TET1: variants seen among roughly 807,000 people sequenced by gnomAD.
TET1 encodes methylcytosine dioxygenase TET1.
In TET1, 13 loss-of-function variants were observed where a neutral mutation model predicts 148.7. The observed-to-expected ratio is 0.09, with a 90% CI of 0.06 to 0.14. The LOEUF is 0.14. TET1 is among the 10% of genes least tolerant of loss of function. The probability of loss-of-function intolerance (pLI) is 1.00; values close to 1 mark genes in which losing one functional copy is unlikely to be tolerated. For synonymous variants in TET1, 907 were observed against 937.2 expected, an observed-to-expected ratio of 0.97 and a Z score of 0.59; for missense variants, 2,182 against 2,553.8, an observed-to-expected ratio of 0.85 and a Z score of 3.14.
rs368590656 is a variant in TET1, at chr10:68,645,629, C to T, written c.2900C>T (p.Thr967Met). Residue 967 changes from threonine (T) to methionine (M), a missense_variant, in exon 4 of 12, where the codon ACG becomes ATG. By Grantham distance (81) the Thr-to-Met change is moderately conservative (BLOSUM62 -1). This residue lies in a region of TET1 where 582 missense variants were observed against 599.5 expected (regional missense o/e 0.97). Transcript: ENST00000373644. ...PSLEKQSSCN[T>M]VVFNGQTTTL... Reference sequence around the variant, plus strand: ...TTGGAAAAACAAAGTTCATGCAACACGGTGGTTTTCAATGGGCAAACTACT... The same window carrying T: ...TTGGAAAAACAAAGTTCATGCAACATGGTGGTTTTCAATGGGCAAACTACT... 34 of 1,614,050 alleles carry T rather than the reference C, an allele frequency of 2.1e-5. No homozygotes were observed. Among genetic ancestry groups the T allele is most frequent in the South Asian group, 3.3e-5 (3 of 91,076 alleles).
At chr10:68,586,687 G>T (rs10823232) in intron 2 of TET1, among the ~76,000 whole-genome samples, 19,940 of 148,820 alleles carry the variant, frequency 0.13, 1,727 homozygotes, top group South Asian at 0.25. Context: ...ATTGAATATT[G>T]TTTCTATGGT....
At chr10:68,674,869 C>T (rs901741328) in intron 8 of TET1, 3 of 410,898 alleles carry the variant, frequency 7.3e-6, no homozygotes, top group Admixed American at 6.5e-5. Context: ...AAGAAGTGGT[C>T]AATAAATTGA....
chr10:68,578,499 C>G (rs2053757143), intron 2 of TET1, among the ~76,000 whole-genome samples: 1 of 152,148 alleles, frequency 6.6e-6, no homozygotes, highest in South Asian at 2.1e-4. Flanking sequence ...CTCAGGTGAT[C>G]TGCCTGCCTC....
Position 68,564,004 on chromosome 10 carries a change from A to G in TET1, c.-123+3262A>G, listed in dbSNP as rs146961958. Among the ~76,000 whole-genome samples the G allele has an allele frequency of 2.1e-3, 318 of 152,154 alleles. 2 individuals carry two copies. Among genetic ancestry groups the G allele is most frequent in the African/African-American group, 7.4e-3 (308 of 41,514 alleles). ...CCAGTTCTTTGCAGAAAACCCTTAC[A>G]CTTTAAGAAGCCAGCTTTTCATTCT... On this transcript the variant is annotated intron_variant, in intron 1 of 11. Coordinates refer to ENST00000373644, the MANE Select transcript of TET1 (RefSeq NM_030625.3).
At chr10:68,577,803 G>T (rs943086560) in intron 2 of TET1, among the ~76,000 whole-genome samples, 1 of 152,098 alleles carries the variant, frequency 6.6e-6, no homozygotes, top group Admixed American at 6.6e-5. Context: ...GCAAGACACT[G>T]TCTCAAAAAA....
At chr10:68,576,295 G>A (rs958054410) in intron 2 of TET1, among the ~76,000 whole-genome samples, 9 of 151,408 alleles carry the variant, frequency 5.9e-5, no homozygotes, top group African/African-American at 1.7e-4. Flanking sequence ...AAGTTGCAGC[G>A]AGTGGAGGTT....
chr10:68,586,574 A>G (rs1479716716), intron 2 of TET1, among the ~76,000 whole-genome samples: 4 of 145,950 alleles, frequency 2.7e-5, no homozygotes, highest in African/African-American at 1.0e-4. Flanking sequence ...GCCTCAAGTG[A>G]TCTTTCCTCC....
chr10:68,639,578 C>G (rs1019838178), intron 3 of TET1, among the ~76,000 whole-genome samples: 1 of 152,006 alleles, frequency 6.6e-6, no homozygotes, highest in African/African-American at 2.4e-5. Flanking sequence ...ACGTGATCCT[C>G]CCGCTTCAGC....
At chr10:68,627,510 C>T (rs996042095) in intron 3 of TET1, among the ~76,000 whole-genome samples, 3 of 152,072 alleles carry the variant, frequency 2.0e-5, no homozygotes, top group East Asian at 1.9e-4. Flanking sequence ...TTAGGAGAAT[C>T]GCTTGAACCC....
At chr10:68,673,485 A>C (rs1212992056) in intron 8 of TET1, 1 of 361,166 alleles carries the variant, frequency 2.8e-6, no homozygotes, top group African/African-American at 2.2e-5. Context: ...ACACGAGGCC[A>C]TGGTGAGCAA....
intron 2 of TET1, among the ~76,000 whole-genome samples, chr10:68,598,315 C>A (rs1009117572): frequency 6.6e-6 from 1 of 152,120 alleles, no homozygotes; most frequent in Non-Finnish European, 1.5e-5. Context: ...CATTTGAACC[C>A]GGAAGGCGGA....
intron 6 of TET1, among the ~76,000 whole-genome samples, chr10:68,660,492 A>G (rs1203147800): frequency 6.6e-6 from 1 of 151,548 alleles, no homozygotes; most frequent in African/African-American, 2.4e-5. Context: ...GGTGTCCCCC[A>G]GCCAAGCCCA....
chr10:68,669,819 TTTGTTG>T (rs779093206), intron 7 of TET1, among the ~76,000 whole-genome samples: 1 of 151,592 alleles, frequency 6.6e-6, no homozygotes, highest in Admixed American at 6.6e-5. Flanking sequence ...CCAGCTAATT[TTTGTTG>T]TTGTTGTTGT....
At chr10:68,601,058 T>C in intron 3 of TET1, 24 bp downstream of exon 3, 1 of 1,574,946 alleles carries the variant, frequency 6.3e-7, no homozygotes, top group Non-Finnish European at 8.6e-7. Context: ...GATTAAATAA[T>C]ATTTCATTAT....
At chr10:68,638,480 G>A (rs1435576458) in intron 3 of TET1, among the ~76,000 whole-genome samples, 1 of 152,044 alleles carries the variant, frequency 6.6e-6, no homozygotes, top group Non-Finnish European at 1.5e-5. Context: ...ATTACAATTG[G>A]GTCACAGTAC....
intron 3 of TET1, among the ~76,000 whole-genome samples, chr10:68,633,883 G>A (rs1041412086): frequency 1.2e-4 from 18 of 152,258 alleles, no homozygotes; most frequent in African/African-American, 4.1e-4. Flanking sequence ...TATTTGGAGG[G>A]AAAATGGACC....
intron 3 of TET1, among the ~76,000 whole-genome samples, chr10:68,613,926 G>C (rs572696676): frequency 2.0e-5 from 3 of 147,004 alleles, no homozygotes; most frequent in Non-Finnish European, 4.5e-5. Context: ...GGACAAGAGC[G>C]AGACTTCGTC....
At chr10:68,660,685 A>C (rs1164214589) in intron 6 of TET1, among the ~76,000 whole-genome samples, 1 of 147,470 alleles carries the variant, frequency 6.8e-6, no homozygotes, top group East Asian at 2.0e-4. Flanking sequence ...TTTGAGACAG[A>C]GTTTCACTCT....
chr10:68,679,637 C>T (rs530012225), intron 8 of TET1, among the ~76,000 whole-genome samples: 1 of 152,044 alleles, frequency 6.6e-6, no homozygotes, highest in Non-Finnish European at 1.5e-5. Context: ...ATGGGTTTAG[C>T]GAGGGCATGT....
Sources: allele counts gnomAD v4.1 joint callset (sites outside exome capture counted in the v4.1 genomes callset), GRCh38; gene constraint gnomAD v4.1.1; regional missense constraint gnomAD v4.1.1; transcripts MANE v1.5; gene names NCBI Gene and HGNC (gene_info 2026-07-23, HGNC 2026-07-21).